The following TRAPPC9 variants were observed in gnomAD, a reference collection of about 807,000 sequenced individuals.
The protein encoded by TRAPPC9 is trafficking protein particle complex subunit 9.
In TRAPPC9, 83 loss-of-function variants were observed where a neutral mutation model predicts 124.0. The observed-to-expected ratio is 0.67, with a 90% CI of 0.56 to 0.80. The LOEUF (loss-of-function observed/expected upper bound fraction) is 0.80. Among genes scored for constraint, TRAPPC9 ranks in the 30% least tolerant of loss-of-function variants. The pLI is 0.00. For missense variants in TRAPPC9, 1,302 were observed against 1,508.3 expected, an observed-to-expected ratio of 0.86 and a Z score of 2.27; for synonymous variants, 638 against 617.5, an observed-to-expected ratio of 1.03 and a Z score of -0.49.
At chr8:140,375,153 A>G (rs1411095342) in intron 7 of TRAPPC9, among the ~76,000 whole-genome samples, 1 of 152,204 alleles carries the variant, frequency 6.6e-6, no homozygotes, top group Non-Finnish European at 1.5e-5. Context: ...TCCCTGGCAA[A>G]GCTAGGCCAA....
intron 21 of TRAPPC9, among the ~76,000 whole-genome samples, chr8:139,792,244 G>A (rs1320689807): frequency 6.6e-6 from 1 of 152,130 alleles, no homozygotes; most frequent in African/African-American, 2.4e-5. Flanking sequence ...GGTGGCCAGG[G>A]GAGTAGGGGG....
intron 18 of TRAPPC9, among the ~76,000 whole-genome samples, chr8:140,019,156 T>G (rs547830397): frequency 7.9e-5 from 12 of 152,376 alleles, no homozygotes; most frequent in Admixed American, 7.2e-4. Context: ...GAGTAAAACC[T>G]GAATTGTTCA....
At chr8:140,272,116 A>AATGGTGATAGTGATTG (rs138421200) in intron 15 of TRAPPC9, among the ~76,000 whole-genome samples, 3 of 120,118 alleles carry the variant, frequency 2.5e-5, no homozygotes, top group African/African-American at 1.1e-4. Flanking sequence ...TGGTGGTGGC[A>AATGGTGATAGTGATTG]ATGGTGATGG....
At chr8:140,258,734 G>A (rs1006206363) in intron 15 of TRAPPC9, among the ~76,000 whole-genome samples, 1 of 152,260 alleles carries the variant, frequency 6.6e-6, no homozygotes, top group Admixed American at 6.5e-5. Context: ...GATAGAATGG[G>A]ATAAGAGAGG....
intron 17 of TRAPPC9, among the ~76,000 whole-genome samples, chr8:140,101,532 CTTTTTTTTGTTTTTTTTTT>C (rs1322196671): frequency 1.0e-4 from 8 of 78,722 alleles, no homozygotes; most frequent in Admixed American, 5.6e-4. Flanking sequence ...GTAGGGTTTT[CTTTTTTTTGTTTTTTTTTT>C]TTTTTTTTGA....
At chr8:140,222,892 T>G (rs1469182254) in intron 16 of TRAPPC9, among the ~76,000 whole-genome samples, 3 of 152,124 alleles carry the variant, frequency 2.0e-5, no homozygotes, top group Non-Finnish European at 4.4e-5. Flanking sequence ...TCATACTGAT[T>G]TTGACTTAAG....
At chr8:140,214,406 C>G (rs1159079672) in intron 17 of TRAPPC9, among the ~76,000 whole-genome samples, 5 of 152,224 alleles carry the variant, frequency 3.3e-5, no homozygotes, top group African/African-American at 4.8e-5. Flanking sequence ...GAGGCCCTTA[C>G]ACCCCTGCCT....
At chr8:140,176,677 G>A (rs1269215781) in intron 17 of TRAPPC9, among the ~76,000 whole-genome samples, 2 of 152,220 alleles carry the variant, frequency 1.3e-5, no homozygotes, top group Non-Finnish European at 2.9e-5. Context: ...GTACATAGGG[G>A]AGAAGAGGAA....
At chr8:139,983,968 G>T (rs549280382) in intron 19 of TRAPPC9, among the ~76,000 whole-genome samples, 2 of 152,310 alleles carry the variant, frequency 1.3e-5, no homozygotes, top group South Asian at 4.1e-4. Context: ...CTTCATATGG[G>T]AAGTGCTCAG....
intron 17 of TRAPPC9, among the ~76,000 whole-genome samples, chr8:140,141,159 T>C (rs1268240140): frequency 3.9e-5 from 6 of 152,236 alleles, no homozygotes; most frequent in Non-Finnish European, 8.8e-5. Flanking sequence ...ACTATAGTTG[T>C]CCTCCCTTTT....
At chr8:139,881,887 C>A (rs1386000592) in intron 21 of TRAPPC9, among the ~76,000 whole-genome samples, 1 of 152,236 alleles carries the variant, frequency 6.6e-6, no homozygotes, top group African/African-American at 2.4e-5. Context: ...AGGGCCTCAC[C>A]CCTCTCCTTA....
chr8:140,450,734 G>A, intron 2 of TRAPPC9, 56 bp downstream of exon 2: 1 of 1,378,460 alleles, frequency 7.3e-7, no homozygotes, highest in South Asian at 1.2e-5. Context: ...TCTGCCCTGT[G>A]CTTTCCCTTT....
chr8:140,067,023 C>T (rs975809725), intron 17 of TRAPPC9, among the ~76,000 whole-genome samples: 2 of 152,174 alleles, frequency 1.3e-5, no homozygotes, highest in East Asian at 3.8e-4. Context: ...ATAGGGTAAA[C>T]GTATTTCCTC....
chr8:139,893,426 T>G (rs1405138078), intron 20 of TRAPPC9, among the ~76,000 whole-genome samples: 2 of 152,186 alleles, frequency 1.3e-5, no homozygotes, highest in Non-Finnish European at 2.9e-5. Flanking sequence ...ATGCCCAACC[T>G]GCCCTGGCGG....
At chr8:139,903,573 TC>T (rs1376398153) in intron 20 of TRAPPC9, among the ~76,000 whole-genome samples, 1 of 152,178 alleles carries the variant, frequency 6.6e-6, no homozygotes, top group Non-Finnish European at 1.5e-5. Context: ...CTCCCCTGCT[TC>T]CACAGCAGAC....
intron 17 of TRAPPC9, among the ~76,000 whole-genome samples, chr8:140,032,291 C>A (rs1403015733): frequency 1.3e-5 from 2 of 152,240 alleles, no homozygotes; most frequent in Non-Finnish European, 2.9e-5. Flanking sequence ...CACGTCCAGA[C>A]CACTGTCCTC....
At chr8:140,379,035 C>T (rs1392037280) in intron 7 of TRAPPC9, among the ~76,000 whole-genome samples, 1 of 151,882 alleles carries the variant, frequency 6.6e-6, no homozygotes, top group African/African-American at 2.4e-5. Context: ...ACAAAAATCA[C>T]TAAGTATTTT....
intron 17 of TRAPPC9, among the ~76,000 whole-genome samples, chr8:140,066,579 T>C (rs28415015): frequency 0.055 from 8,383 of 152,336 alleles, 368 homozygotes; most frequent in African/African-American, 0.099. Flanking sequence ...CAGAAGTTTT[T>C]ATTAGGTTTA....
At chr8:140,064,940 C>T (rs1207648586) in intron 17 of TRAPPC9, among the ~76,000 whole-genome samples, 1 of 152,224 alleles carries the variant, frequency 6.6e-6, no homozygotes, top group African/African-American at 2.4e-5. Context: ...TGCAGTACCT[C>T]TTCTCTACAG....
Sources: gnomAD v4.1 joint callset for allele counts (sites outside exome capture counted in the v4.1 genomes callset) on GRCh38, gnomAD v4.1.1 for gene constraint, MANE v1.5 for transcripts, NCBI Gene and HGNC (gene_info 2026-07-23, HGNC 2026-07-21) for gene names.